MPP7: variants seen among roughly 807,000 people sequenced by gnomAD.
The protein encoded by MPP7 is MAGUK p55 scaffold protein 7.
A neutral mutation model predicts 76.5 loss-of-function variants in MPP7; 60 were observed. The observed-to-expected ratio is 0.78, with a 90% confidence interval of 0.64 to 0.97. MPP7 has a LOEUF of 0.97. Ranked by LOEUF, MPP7 falls within the 50% of genes least tolerant of loss-of-function variation. MPP7 has a pLI of 0.00. For missense variants in MPP7, 641 were observed against 694.0 expected, an observed-to-expected ratio of 0.92 and a Z score of 0.86; for synonymous variants, 237 against 244.5, an observed-to-expected ratio of 0.97 and a Z score of 0.29.
In MPP7 at chr10:28,115,227, C is replaced by T. The variant is rs545945788; in HGVS notation, c.952+4424G>A. ...AAGCGATTCTCCTGCCTCAGCCTCC[C>T]GAGTAGCTGGGATTACAGGCATGTG... On this transcript the variant is annotated intron_variant, in intron 11 of 16. Transcript: ENST00000683449. 1.2e-3 allele frequency among the ~76,000 whole-genome samples: 185 copies of T among 152,094 alleles called. 1 individual carries two copies. In the Middle Eastern group the frequency reaches 0.02, roughly 17 times the overall value.
chr10:28,290,767 C>A (rs886677505), intron 1 of MPP7, among the ~76,000 whole-genome samples: 2 of 152,152 alleles, frequency 1.3e-5, no homozygotes, highest in African/African-American at 4.8e-5. Context: ...GCCACCACGC[C>A]CGGCCCCAAT....
chr10:28,160,113 G>GA (rs59503220), intron 3 of MPP7, among the ~76,000 whole-genome samples: 8 of 142,722 alleles, frequency 5.6e-5, no homozygotes, highest in South Asian at 2.2e-4. Flanking sequence ...TTGATCATTA[G>GA]AAAAAAAAAA....
chr10:28,103,537 C>T (rs998208034), intron 11 of MPP7, among the ~76,000 whole-genome samples: 2 of 152,148 alleles, frequency 1.3e-5, no homozygotes, highest in African/African-American at 4.8e-5. Context: ...ATTTGAAATG[C>T]CCATTTCCCC....
At chr10:28,260,528 C>T (rs1327953727) in intron 1 of MPP7, among the ~76,000 whole-genome samples, 2 of 151,918 alleles carry the variant, frequency 1.3e-5, no homozygotes, top group Non-Finnish European at 2.9e-5. Context: ...AATCCCAACA[C>T]TTTAGGAGGC....
rs149374880 is a variant in MPP7 at position 28,122,285 on chromosome 10, G to A, written c.616-1617C>T. Among the ~76,000 whole-genome samples, 286 of 152,166 alleles carry A rather than the reference G, an allele frequency of 1.9e-3. 4 individuals are homozygous for A. The highest frequency in any genetic ancestry group is 0.017 in the Admixed American group (259 of 15,278). ...CAATTGTTATTACTATTACTGCTGA[G>A]CCATATAGGTCTATCTCTCGTGATT... On this transcript the variant is annotated intron_variant, in intron 8 of 16. Coordinates refer to ENST00000683449, the MANE Select transcript of MPP7 (RefSeq NM_001318170.2).
intron 3 of MPP7, among the ~76,000 whole-genome samples, chr10:28,177,808 A>G (rs563354846): frequency 1.3e-5 from 2 of 152,282 alleles, no homozygotes; most frequent in Non-Finnish European, 2.9e-5. Flanking sequence ...AAAAGAGACA[A>G]TTTGACCCAG....
At chr10:28,283,253 T>C (rs893624404) in intron 1 of MPP7, among the ~76,000 whole-genome samples, 2 of 152,178 alleles carry the variant, frequency 1.3e-5, no homozygotes, top group Non-Finnish European at 2.9e-5. Context: ...TGGTCTCTGA[T>C]GTATAGGAGA....
chr10:28,321,539 C>G (rs1472558065), intron 2 of MPP7, among the ~76,000 whole-genome samples: 2 of 152,176 alleles, frequency 1.3e-5, no homozygotes, highest in African/African-American at 2.4e-5. Context: ...CAAAACCCTT[C>G]ACTGTCATTC....
intron 11 of MPP7, among the ~76,000 whole-genome samples, chr10:28,091,414 A>G (rs1373483856): frequency 6.6e-6 from 1 of 151,564 alleles, no homozygotes; most frequent in Non-Finnish European, 1.5e-5. Flanking sequence ...CAGCTTCCCG[A>G]GTAGCTGGGA....
intron 3 of MPP7, among the ~76,000 whole-genome samples, chr10:28,193,625 A>G (rs994620032): frequency 2.6e-5 from 4 of 152,204 alleles, no homozygotes; most frequent in Non-Finnish European, 5.9e-5. Context: ...CCACTAAGAC[A>G]ATGAAAAGAC....
chr10:28,193,233 G>C (rs1169598528), intron 3 of MPP7, among the ~76,000 whole-genome samples: 1 of 134,692 alleles, frequency 7.4e-6, no homozygotes, highest in East Asian at 2.2e-4. Flanking sequence ...TTTTTTTTGA[G>C]ACGGAGTCTC....
rs577015189 is a variant in MPP7 at position 28,134,635 on chromosome 10, T to G, written c.316-2944A>C. Among the ~76,000 whole-genome samples, 39 of 152,208 alleles carry G rather than the reference T, an allele frequency of 2.6e-4. No homozygotes were observed. In the South Asian group the frequency reaches 6.2e-3, roughly 24 times the overall value. ...TACCTGAGAAGATAATGGCTGCAAA[T>G]TTTTGAGAAGTGATGAGAGAAAGAC... On this transcript the variant is annotated intron_variant, in intron 5 of 16. Coordinates refer to ENST00000683449, the MANE Select transcript of MPP7 (RefSeq NM_001318170.2).
chr10:28,147,685 A>G, intron 4 of MPP7, 122 bp from the exon 5 acceptor site: 1 of 805,722 alleles, frequency 1.2e-6, no homozygotes, highest in South Asian at 1.5e-5. Flanking sequence ...AGGAGAGGTC[A>G]GCATAAAAGA....
chr10:28,303,947 T>TA, upstream of MPP7, among the ~76,000 whole-genome samples: 1 of 151,956 alleles, frequency 6.6e-6, no homozygotes, highest in Admixed American at 6.6e-5. Context: ...AAGACTCTTA[T>TA]AGGAAGAATT....
chr10:28,307,893 C>T (rs1841267948), upstream of MPP7, among the ~76,000 whole-genome samples: 1 of 152,142 alleles, frequency 6.6e-6, no homozygotes. Context: ...TTAACTGGTG[C>T]ATTGCTAGCA....
chr10:28,130,133 A>G (rs946924275), intron 6 of MPP7, among the ~76,000 whole-genome samples: 1 of 148,390 alleles, frequency 6.7e-6, no homozygotes, highest in Non-Finnish European at 1.5e-5. Flanking sequence ...TATCTTTTAA[A>G]TATTAGATGG....
chr10:28,105,792 G>A (rs1277042811), intron 11 of MPP7, among the ~76,000 whole-genome samples: 1 of 152,178 alleles, frequency 6.6e-6, no homozygotes, highest in African/African-American at 2.4e-5. Context: ...GGGATTACAG[G>A]CATGAGTCAC....
chr10:28,208,603 A>C (rs1429412021), intron 2 of MPP7, among the ~76,000 whole-genome samples: 5 of 152,204 alleles, frequency 3.3e-5, no homozygotes, highest in African/African-American at 9.7e-5. Flanking sequence ...AGCAAATAAG[A>C]AAACACAAGA....
intron 3 of MPP7, among the ~76,000 whole-genome samples, chr10:28,177,545 T>C (rs1003767142): frequency 2.6e-5 from 4 of 152,052 alleles, no homozygotes; most frequent in Admixed American, 1.3e-4. Context: ...TAAGGAAAAA[T>C]TGTTCTGTAC....
Sources: gnomAD v4.1 joint callset for allele counts (sites outside exome capture counted in the v4.1 genomes callset) on GRCh38, gnomAD v4.1.1 for gene constraint, MANE v1.5 for transcripts, NCBI Gene and HGNC (gene_info 2026-07-23, HGNC 2026-07-21) for gene names.